The following MAP4K4 variants were observed in gnomAD, a reference collection of about 807,000 sequenced individuals.
MAP4K4 encodes the protein HPK/GCK-like kinase HGK.
MAP4K4 carries 38 observed loss-of-function variants against 189.6 expected under a neutral mutation model. The observed-to-expected ratio is 0.20, with a 90% CI of 0.15 to 0.26. The LOEUF is 0.26. Ranked by LOEUF, MAP4K4 falls within the 10% of genes least tolerant of loss-of-function variation. The pLI is 1.00. For missense variants in MAP4K4, 1,054 were observed against 1,726.9 expected, an observed-to-expected ratio of 0.61 and a Z score of 6.91; for synonymous variants, 610 against 624.3, an observed-to-expected ratio of 0.98 and a Z score of 0.34.
chr2:101,840,840 G>T (rs2096895563), intron 10 of MAP4K4, among the ~76,000 whole-genome samples: 1 of 152,148 alleles, frequency 6.6e-6, no homozygotes, highest in African/African-American at 2.4e-5. Flanking sequence ...GCCTGTACTG[G>T]TATTCATAGT....
chr2:101,740,195 C>T (rs1245350251), intron 2 of MAP4K4, among the ~76,000 whole-genome samples: 1 of 121,964 alleles, frequency 8.2e-6, no homozygotes, highest in Non-Finnish European at 1.5e-5. Flanking sequence ...GCTCTGTCGC[C>T]CAGGCTGGAG....
At chr2:101,834,824 G>A (rs1449287958) in intron 8 of MAP4K4, among the ~76,000 whole-genome samples, 2 of 152,204 alleles carry the variant, frequency 1.3e-5, no homozygotes, top group East Asian at 3.9e-4. Context: ...TTAGTATTAA[G>A]TTTTGACTTT....
At chr2:101,786,068 G>A (rs1317351583) in intron 2 of MAP4K4, among the ~76,000 whole-genome samples, 6 of 151,940 alleles carry the variant, frequency 3.9e-5, no homozygotes, top group African/African-American at 1.2e-4. Context: ...TGAAGTGATC[G>A]CCTGCCTTGG....
chr2:101,830,793 GT>G (rs901398007), intron 6 of MAP4K4, among the ~76,000 whole-genome samples: 6 of 152,150 alleles, frequency 3.9e-5, no homozygotes, highest in Admixed American at 3.9e-4. Context: ...TGCCTTCCAA[GT>G]TGCTGTGATG....
intron 28 of MAP4K4, among the ~76,000 whole-genome samples, chr2:101,884,228 A>G (rs1282057737): frequency 1.3e-5 from 2 of 152,200 alleles, no homozygotes; most frequent in East Asian, 3.8e-4. Flanking sequence ...ATATTAAATT[A>G]ATAAAAATTA....
Position 101,701,189 on chromosome 2 carries a change from G to A in MAP4K4, c.123+2651G>A, listed in dbSNP as rs182265696. On this transcript the variant is annotated intron_variant, in intron 2 of 32. Coordinates refer to ENST00000324219, the Ensembl canonical transcript of MAP4K4. ...GTCATATTTTCTATTTTTCATTAGC[G>A]CAGATGTTGCTTATTTTGAGGCAAC... Among the ~76,000 whole-genome samples the A allele has an allele frequency of 1.3e-4, 20 of 152,136 alleles. No individual in the cohort carries two copies. In the East Asian group the frequency reaches 3.7e-3, roughly 28 times the overall value.
chr2:101,785,155 G>A (rs1013766804), intron 2 of MAP4K4, among the ~76,000 whole-genome samples: 3 of 152,114 alleles, frequency 2.0e-5, no homozygotes, highest in Non-Finnish European at 4.4e-5. Flanking sequence ...CCTAACTTCT[G>A]TGTTTATTTA....
intron 2 of MAP4K4, among the ~76,000 whole-genome samples, chr2:101,782,777 G>A (rs566583421): frequency 3.9e-5 from 6 of 152,308 alleles, no homozygotes; most frequent in East Asian, 1.9e-4. Context: ...GGTTGATTAC[G>A]TGCTTTCTTA....
At chr2:101,845,424 T>C (rs2097072018) in intron 12 of MAP4K4, among the ~76,000 whole-genome samples, 1 of 152,166 alleles carries the variant, frequency 6.6e-6, no homozygotes, top group Admixed American at 6.5e-5. Flanking sequence ...GGATACATTC[T>C]GAGAAATGCA....
intron 2 of MAP4K4, among the ~76,000 whole-genome samples, chr2:101,772,115 C>G (rs2150365463): frequency 6.6e-6 from 1 of 152,340 alleles, no homozygotes; most frequent in South Asian, 2.1e-4. Flanking sequence ...GTTGAAAGGA[C>G]ATTGCCCAAA....
exon 33 of MAP4K4, chr2:101,893,345 G>T: frequency 2.3e-6 from 1 of 432,558 alleles, no homozygotes; most frequent in South Asian, 1.7e-5. Context: ...AGTGCTGAAG[G>T]CCAAAGCCGC....
At chr2:101,761,533 G>C (rs1386975355) in intron 2 of MAP4K4, among the ~76,000 whole-genome samples, 1 of 151,530 alleles carries the variant, frequency 6.6e-6, no homozygotes, top group Non-Finnish European at 1.5e-5. Flanking sequence ...TTCAGTTATG[G>C]GGAGTATGGG....
chr2:101,718,576 G>C (rs1018590250), intron 2 of MAP4K4, among the ~76,000 whole-genome samples: 1 of 123,768 alleles, frequency 8.1e-6, no homozygotes, highest in South Asian at 3.4e-4. Flanking sequence ...GGGGTGGGGG[G>C]GTGGGGGGGA....
intron 29 of MAP4K4, 42 bp from the exon 30 acceptor site, chr2:101,887,046 G>GAAAAAA (rs2098498796): frequency 2.6e-6 from 2 of 777,786 alleles, no homozygotes; most frequent in African/African-American, 4.4e-5. Flanking sequence ...AAAAAAAAAT[G>GAAAAAA]TTCTCCTTCA....
intron 2 of MAP4K4, among the ~76,000 whole-genome samples, chr2:101,766,755 C>T (rs2078807187): frequency 6.6e-6 from 1 of 151,940 alleles, no homozygotes; most frequent in Admixed American, 6.6e-5. Context: ...CAAACTTTGT[C>T]TTTTGCATAG....
At chr2:101,867,789 TG>T (rs2097859334) in intron 20 of MAP4K4, 2 of 486,610 alleles carry the variant, frequency 4.1e-6, no homozygotes, top group Admixed American at 7.4e-5. Flanking sequence ...TTCTGCTTTT[TG>T]GTACCTGGGG....
At chr2:101,880,770 G>C (rs1001453617) in intron 27 of MAP4K4, among the ~76,000 whole-genome samples, 3 of 152,168 alleles carry the variant, frequency 2.0e-5, no homozygotes, top group African/African-American at 7.2e-5. Context: ...GCCCCATAAA[G>C]TACTGGGATT....
intron 2 of MAP4K4, among the ~76,000 whole-genome samples, chr2:101,761,836 C>T (rs1232088908): frequency 1.3e-5 from 2 of 152,098 alleles, no homozygotes; most frequent in Admixed American, 1.3e-4. Flanking sequence ...GGATTACAGG[C>T]ATCAGCCACC....
chr2:101,844,365 A>T (rs2097020618), intron 12 of MAP4K4, 54 bp downstream of exon 12: 5 of 1,440,392 alleles, frequency 3.5e-6, no homozygotes, highest in South Asian at 1.2e-5. Context: ...CTGCATTTAC[A>T]CTGGTAGTTA....
Sources: gnomAD v4.1 joint callset for allele counts (sites outside exome capture counted in the v4.1 genomes callset) on GRCh38, gnomAD v4.1.1 for gene constraint, MANE v1.5 for transcripts, NCBI Gene and HGNC (gene_info 2026-07-23, HGNC 2026-07-21) for gene names.